The following FHIT variants were observed in gnomAD, a reference collection of about 807,000 sequenced individuals.
The protein encoded by FHIT is bis(5'-adenosyl)-triphosphatase.
In FHIT, 19 loss-of-function variants were observed where a neutral mutation model predicts 17.9. The observed-to-expected ratio is 1.06, with a 90% confidence interval of 0.74 to 1.56. The LOEUF is 1.56. Among genes scored for constraint, FHIT ranks in the 40% most tolerant of loss-of-function variants. FHIT has a pLI of 0.00. For synonymous variants in FHIT, 81 were observed against 69.7 expected, an observed-to-expected ratio of 1.16 and a Z score of -0.81; for missense variants, 248 against 189.2, an observed-to-expected ratio of 1.31 and a Z score of -1.82.
chr3:60,443,711 C>G (rs2031100376), intron 5 of FHIT, among the ~76,000 whole-genome samples: 1 of 152,030 alleles, frequency 6.6e-6, no homozygotes, highest in Non-Finnish European at 1.5e-5. Context: ...CGATGTTCAT[C>G]AGGGATACTG....
rs553203918 is a variant in FHIT at position 59,994,917 on chromosome 3, C to A, written c.279+16454G>T. 4.5e-4 allele frequency among the ~76,000 whole-genome samples: 68 copies of A among 152,184 alleles called. 1 individual carries two copies. In the Middle Eastern group the frequency reaches 0.01, roughly 23 times the overall value. On this transcript the variant is annotated intron_variant, in intron 7 of 9. Coordinates refer to ENST00000492590, the MANE Select transcript of FHIT (RefSeq NM_002012.4). ...ATTCTGCCTGGAAGCCCTGTCTGCA[C>A]AACAGATGGCAGAGTGTTTGCCTAA...
chr3:61,108,039 C>T (rs2036042810), intron 2 of FHIT, among the ~76,000 whole-genome samples: 1 of 152,194 alleles, frequency 6.6e-6, no homozygotes, highest in South Asian at 2.1e-4. Context: ...TTAGGCTAAA[C>T]TTGATCTAAC....
chr3:60,627,781 C>CA (rs1384254512), intron 4 of FHIT, among the ~76,000 whole-genome samples: 2 of 152,234 alleles, frequency 1.3e-5, no homozygotes, highest in Non-Finnish European at 2.9e-5. Flanking sequence ...CTCAGCCTCC[C>CA]AAAGGGCTGG....
chr3:60,755,893 A>G (rs192010399), intron 4 of FHIT, among the ~76,000 whole-genome samples: 1 of 152,348 alleles, frequency 6.6e-6, no homozygotes, highest in East Asian at 1.9e-4. Flanking sequence ...GAATCATTTA[A>G]GGAAAAAGGT....
Position 60,086,546 on chromosome 3 carries a change from T to C in FHIT, c.104-72394A>G, listed in dbSNP as rs116046389. ...AGCCTATAGGATCAAAAATAAGATG[T>C]TTGTTTTCAACATACAATGGTTTCA... On this transcript the variant is annotated intron_variant, in intron 5 of 9. Transcript: ENST00000492590. Among the ~76,000 whole-genome samples the C allele has an allele frequency of 6.3e-3, 954 of 152,310 alleles. 8 individuals are homozygous for C. Among genetic ancestry groups the C allele is most frequent in the African/African-American group, 0.021 (877 of 41,572 alleles).
chr3:60,532,451 C>G (rs2035820855), intron 5 of FHIT, among the ~76,000 whole-genome samples: 1 of 152,124 alleles, frequency 6.6e-6, no homozygotes. Context: ...CATAATGGTT[C>G]AAATTTATTT....
chr3:59,885,654 CTT>C (rs1023507656), intron 8 of FHIT, among the ~76,000 whole-genome samples: 1 of 152,126 alleles, frequency 6.6e-6, no homozygotes, highest in African/African-American at 2.4e-5. Context: ...TTGAATGCTG[CTT>C]TTTTTCAGTC....
chr3:60,932,352 C>A (rs1215408148), intron 3 of FHIT, among the ~76,000 whole-genome samples: 4 of 152,174 alleles, frequency 2.6e-5, no homozygotes, highest in African/African-American at 9.7e-5. Context: ...CCCACCTCTT[C>A]CTATCTCTTC....
chr3:61,203,554 C>A (rs1174178934), intron 1 of FHIT, among the ~76,000 whole-genome samples: 1 of 151,902 alleles, frequency 6.6e-6, no homozygotes, highest in African/African-American at 2.4e-5. Flanking sequence ...AAACAAGAAG[C>A]AATAGTAAAC....
intron 3 of FHIT, among the ~76,000 whole-genome samples, chr3:60,963,566 T>C (rs576850730): frequency 9.0e-4 from 137 of 152,336 alleles, no homozygotes; most frequent in Non-Finnish European, 1.8e-3. Context: ...TGTGGGCATT[T>C]AGTGCTATAA....
At chr3:60,718,347 A>T (rs1445013098) in intron 4 of FHIT, among the ~76,000 whole-genome samples, 1 of 152,352 alleles carries the variant, frequency 6.6e-6, no homozygotes, top group Non-Finnish European at 1.5e-5. Context: ...CACATGAAAC[A>T]GAGTGGGCAG....
intron 2 of FHIT, among the ~76,000 whole-genome samples, chr3:61,199,301 T>A (rs985488778): frequency 1.3e-5 from 2 of 152,212 alleles, no homozygotes; most frequent in African/African-American, 4.8e-5. Context: ...GATGGCTACA[T>A]CACCACCAAA....
At chr3:59,796,927 T>A (rs573520857) in intron 8 of FHIT, among the ~76,000 whole-genome samples, 3 of 152,358 alleles carry the variant, frequency 2.0e-5, no homozygotes, top group Non-Finnish European at 4.4e-5. Flanking sequence ...AAACTTTCAA[T>A]GGTACTTCTG....
intron 3 of FHIT, among the ~76,000 whole-genome samples, chr3:60,833,221 C>G (rs916924257): frequency 6.6e-6 from 1 of 152,156 alleles, no homozygotes; most frequent in Admixed American, 6.5e-5. Flanking sequence ...ATGGTGACTC[C>G]AATCACGAGC....
intron 5 of FHIT, among the ~76,000 whole-genome samples, chr3:60,375,324 T>C (rs1700507025): frequency 6.6e-6 from 1 of 151,434 alleles, no homozygotes; most frequent in Admixed American, 6.6e-5. Context: ...ATCCTAGCAC[T>C]TTGGAAGGCT....
At chr3:60,127,448 G>C (rs1478866392) in intron 5 of FHIT, among the ~76,000 whole-genome samples, 2 of 151,916 alleles carry the variant, frequency 1.3e-5, no homozygotes, top group Non-Finnish European at 2.9e-5. Flanking sequence ...CCCAGCCCTG[G>C]AAATGTTCTA....
At chr3:60,137,302 A>C (rs1400532761) in intron 5 of FHIT, among the ~76,000 whole-genome samples, 1 of 152,216 alleles carries the variant, frequency 6.6e-6, no homozygotes, top group South Asian at 2.1e-4. Context: ...GCCTTTCATA[A>C]TGCAAAGTGA....
intron 5 of FHIT, among the ~76,000 whole-genome samples, chr3:60,191,021 T>C (rs754660503): frequency 1.6e-4 from 25 of 152,228 alleles, no homozygotes; most frequent in East Asian, 9.7e-4. Context: ...GAAAATTTTA[T>C]TGAACATCTG....
At chr3:61,070,866 G>C (rs893316806) in intron 2 of FHIT, among the ~76,000 whole-genome samples, 5 of 152,122 alleles carry the variant, frequency 3.3e-5, no homozygotes, top group Admixed American at 6.6e-5. Flanking sequence ...GCAAGAGAGT[G>C]AATTATTGGC....
Sources: allele counts gnomAD v4.1 joint callset (sites outside exome capture counted in the v4.1 genomes callset), GRCh38; gene constraint gnomAD v4.1.1; transcripts MANE v1.5; gene names NCBI Gene and HGNC (gene_info 2026-07-23, HGNC 2026-07-21).